Variants in CNTNAP4 observed in about 807,000 individuals in gnomAD.
CNTNAP4 encodes contactin-associated protein-like 4.
A neutral mutation model predicts 148.4 loss-of-function variants in CNTNAP4; 98 were observed. The observed-to-expected ratio is 0.66, with a 90% confidence interval of 0.56 to 0.78. The LOEUF (loss-of-function observed/expected upper bound fraction) is 0.78. Among genes scored for constraint, CNTNAP4 ranks in the 30% least tolerant of loss-of-function variants. The pLI is 0.00. For synonymous variants in CNTNAP4, 730 were observed against 565.1 expected (o/e 1.29, Z -4.14); for missense variants, 1,935 against 1,565.6 (o/e 1.24, Z -3.98).
At chr16:76,524,133 T>C (rs922048309) in intron 17 of CNTNAP4, among the ~76,000 whole-genome samples, 1 of 152,174 alleles carries the variant, frequency 6.6e-6, no homozygotes, top group African/African-American at 2.4e-5. Context: ...AATTACTGTT[T>C]TGATAATTTA....
In CNTNAP4 at chr16:76,419,451, T is replaced by C. The variant is rs2079104886; in HGVS notation, c.391-8001T>C. On this transcript the variant is annotated intron_variant, in intron 3 of 23. Coordinates refer to ENST00000611870, the MANE Select transcript of CNTNAP4 (RefSeq NM_033401.5). ...TTCATAGAATGCATGGATGGGTTCTTGGAGGTAAAGCCCACAGAAATGTGG... is the reference window on the plus strand; with the variant it reads ...TTCATAGAATGCATGGATGGGTTCTCGGAGGTAAAGCCCACAGAAATGTGG... 2.6e-5 allele frequency among the ~76,000 whole-genome samples: 4 copies of C among 152,076 alleles called. No individual in the cohort carries two copies. In the South Asian group the frequency reaches 8.3e-4, roughly 31 times the overall value.
intron 1 of CNTNAP4, among the ~76,000 whole-genome samples, chr16:76,300,503 A>C (rs373423521): frequency 1.3e-5 from 2 of 152,214 alleles, no homozygotes; most frequent in South Asian, 2.1e-4. Context: ...CCTATGCAAC[A>C]AACCTGCACG....
At chr16:76,547,670 G>C (rs1187420156) in intron 21 of CNTNAP4, among the ~76,000 whole-genome samples, 1 of 152,168 alleles carries the variant, frequency 6.6e-6, no homozygotes, top group Non-Finnish European at 1.5e-5. Context: ...TAAGCCTGGA[G>C]ATTATTTTCA....
chr16:76,338,956 AT>A (rs1366347447), intron 2 of CNTNAP4, among the ~76,000 whole-genome samples: 1 of 152,162 alleles, frequency 6.6e-6, no homozygotes, highest in Non-Finnish European at 1.5e-5. Flanking sequence ...ATTTCTTTTG[AT>A]TATGTGCTGA....
chr16:76,460,589 G>A (rs1403706584), intron 8 of CNTNAP4, among the ~76,000 whole-genome samples: 21 of 143,680 alleles, frequency 1.5e-4, no homozygotes, highest in Admixed American at 3.4e-4. Context: ...GTGAAACCCC[G>A]TCTCTACTAA....
At chr16:76,393,487 C>T (rs2078096407) in intron 3 of CNTNAP4, among the ~76,000 whole-genome samples, 3 of 152,076 alleles carry the variant, frequency 2.0e-5, no homozygotes, top group Admixed American at 2.0e-4. Flanking sequence ...TGATGTGTTG[C>T]TGAGTGTACA....
chr16:76,530,179 C>A (rs2083916061), intron 17 of CNTNAP4, among the ~76,000 whole-genome samples: 1 of 151,902 alleles, frequency 6.6e-6, no homozygotes, highest in Non-Finnish European at 1.5e-5. Flanking sequence ...TGAATGGACA[C>A]AAGTTATTAA....
Position 76,401,317 on chromosome 16 carries a change from G to A in CNTNAP4, c.391-26135G>A, listed in dbSNP as rs554459833. Reference sequence around the variant, plus strand: ...TTGAGGTAATTGCAAATGGGATTGCGTTTCTGATTTGGCTCTTGGCTTGGT... The same window carrying A: ...TTGAGGTAATTGCAAATGGGATTGCATTTCTGATTTGGCTCTTGGCTTGGT... On this transcript the variant is annotated intron_variant, in intron 3 of 23. Coordinates refer to ENST00000611870, the MANE Select transcript of CNTNAP4 (RefSeq NM_033401.5). 4.1e-4 allele frequency among the ~76,000 whole-genome samples: 62 copies of A among 152,144 alleles called. 1 individual carries two copies. In the South Asian group the frequency reaches 7.5e-3, roughly 18 times the overall value.
chr16:76,421,616 C>G (rs1277809687), intron 3 of CNTNAP4, among the ~76,000 whole-genome samples: 1 of 152,068 alleles, frequency 6.6e-6, no homozygotes, highest in Non-Finnish European at 1.5e-5. Flanking sequence ...AGATTTATAC[C>G]TGACATCATA....
At chr16:76,307,921 A>T (rs796199134) in intron 1 of CNTNAP4, among the ~76,000 whole-genome samples, 3 of 152,328 alleles carry the variant, frequency 2.0e-5, no homozygotes, top group African/African-American at 7.2e-5. Context: ...GTTTGCCTCC[A>T]AATGAAAGCT....
chr16:76,475,561 C>G (rs978086605), intron 10 of CNTNAP4, among the ~76,000 whole-genome samples: 4 of 152,064 alleles, frequency 2.6e-5, no homozygotes, highest in African/African-American at 9.7e-5. Context: ...TTCTTTTCTT[C>G]TTTTATCTGT....
intron 3 of CNTNAP4, among the ~76,000 whole-genome samples, chr16:76,424,343 A>T (rs1482598732): frequency 6.6e-6 from 1 of 152,202 alleles, no homozygotes; most frequent in East Asian, 1.9e-4. Flanking sequence ...AAGAAATTAT[A>T]ATTAGGGATT....
At chr16:76,326,942 AG>A (rs1333465598) in intron 2 of CNTNAP4, among the ~76,000 whole-genome samples, 1 of 152,094 alleles carries the variant, frequency 6.6e-6, no homozygotes, top group Non-Finnish European at 1.5e-5. Context: ...TAAAACTTAA[AG>A]TAAGAATAAA....
intron 1 of CNTNAP4, among the ~76,000 whole-genome samples, chr16:76,287,195 A>G (rs922402592): frequency 3.9e-5 from 6 of 152,256 alleles, no homozygotes; most frequent in African/African-American, 1.2e-4. Flanking sequence ...AACACTGTAG[A>G]TAACATTTAG....
intron 1 of CNTNAP4, among the ~76,000 whole-genome samples, chr16:76,309,667 C>G (rs771466256): frequency 3.9e-5 from 6 of 152,186 alleles, no homozygotes; most frequent in African/African-American, 1.4e-4. Flanking sequence ...TGTCCCCATT[C>G]AAATCTCAAC....
chr16:76,494,398 G>C (rs575440372), intron 13 of CNTNAP4, among the ~76,000 whole-genome samples: 24 of 152,090 alleles, frequency 1.6e-4, no homozygotes, highest in Non-Finnish European at 2.9e-4. Flanking sequence ...CATGACAAGG[G>C]AGTGCCAAAT....
rs1316348346 is a variant in CNTNAP4 at position 76,364,224 on chromosome 16, A to G, written c.390+8713A>G. 2.6e-5 allele frequency among the ~76,000 whole-genome samples: 3 copies of G among 113,836 alleles called. No individual in the cohort carries two copies. In the Admixed American group the frequency reaches 3.1e-4, roughly 12 times the overall value. The allele number at this position is 113,836 out of a possible 152,430, so 74.7% of individuals were successfully genotyped here. ...ATTCCAGCCTGGGCAACAGAGCGAG[A>G]TTCCATCTCAAAAAAAAAAAAAAAA... On this transcript the variant is annotated intron_variant, in intron 3 of 23. Coordinates refer to ENST00000611870, the MANE Select transcript of CNTNAP4 (RefSeq NM_033401.5).
chr16:76,490,515 T>TA (rs60137703), intron 13 of CNTNAP4, among the ~76,000 whole-genome samples: 20,089 of 152,156 alleles, frequency 0.13, 1,936 homozygotes, highest in East Asian at 0.51. Flanking sequence ...TGCCTTACAG[T>TA]AAGCCTTCAT....
chr16:76,311,669 G>A (rs1961128558), intron 1 of CNTNAP4, among the ~76,000 whole-genome samples: 1 of 152,174 alleles, frequency 6.6e-6, no homozygotes, highest in Non-Finnish European at 1.5e-5. Flanking sequence ...ATGGAGTAAT[G>A]AGAGTGATGT....
Sources: allele counts gnomAD v4.1 joint callset (sites outside exome capture counted in the v4.1 genomes callset), GRCh38; gene constraint gnomAD v4.1.1; transcripts MANE v1.5; gene names NCBI Gene and HGNC (gene_info 2026-07-23, HGNC 2026-07-21).